The following HBM variants were observed in gnomAD, a reference collection of about 807,000 sequenced individuals.
HBM encodes the protein hemoglobin subunit mu.
Under a neutral mutation model 12.8 loss-of-function variants are expected in HBM, and 9 were observed. The observed-to-expected ratio is 0.70, with a 90% confidence interval of 0.42 to 1.23. HBM has a LOEUF of 1.23. HBM is among the 50% of genes most tolerant of loss of function. The probability of loss-of-function intolerance (pLI) is 0.00; values close to 1 mark genes in which losing one functional copy is unlikely to be tolerated. For missense variants in HBM, 214 were observed against 195.4 expected (o/e 1.10, Z -0.57); for synonymous variants, 100 against 92.0 (o/e 1.09, Z -0.50).
rs1454633790 is a variant in HBM at position 166,568 on chromosome 16, C to T, written c.298-12C>T. 5.6e-6 allele frequency: 9 copies of T among 1,611,750 alleles called. No homozygotes were observed. The highest frequency in any genetic ancestry group is 1.3e-5 in the African/African-American group (1 of 74,936). ...GGGGCAGACCCCGTCTCACCGGCCC[C>T]TTCTCCTGCAGCTGCTAATCCAGTG... On this transcript the variant is annotated splice_polypyrimidine_tract_variant and intron_variant, in intron 2 of 2. Transcript: ENST00000356815.
rs773592456 is a variant in HBM at position 166,562 on chromosome 16, C to T, written c.298-18C>T. 4.2e-5 allele frequency: 67 copies of T among 1,610,464 alleles called. No individual in the cohort carries two copies. The highest frequency in any genetic ancestry group is 5.2e-5 in the Non-Finnish European group (61 of 1,178,580). On this transcript the variant is annotated intron_variant, in intron 2 of 2. Coordinates refer to ENST00000356815, the MANE Select transcript of HBM (RefSeq NM_001003938.4). ...CCTAGCGGGGCAGACCCCGTCTCAC[C>T]GGCCCCTTCTCCTGCAGCTGCTAAT...
chr16:166,455 G>A lies in HBM; in HGVS notation c.280G>A (p.Asp94Asn), dbSNP rs1169110378. 3 of 1,549,110 alleles carry A rather than the reference G, an allele frequency of 1.9e-6. No homozygotes were observed. The highest frequency in any genetic ancestry group is 1.9e-5 in the Admixed American group (1 of 51,738). Residue 94 changes from aspartate (D) to asparagine (N), a missense_variant, in exon 2 of 3, where the codon GAC (aspartate) becomes AAC (asparagine). Transcript: ENST00000356815. ...ADLHALVLRV[D>N]PANFPLLIQC... ...CCTGCACGCGCTCGTGCTGCGCGTG[G>A]ACCCAGCCAACTTTCCGGTGAGGCC...
chr16:166,233 C>A (rs751658843), intron 1 of HBM, 35 bp from the exon 2 acceptor site: 7 of 1,549,892 alleles, frequency 4.5e-6, no homozygotes. Flanking sequence ...CCCACGCAGC[C>A]GCCCTCCTCC....
In HBM at chr16:166,704, G is replaced by T; in HGVS notation, c.422G>T (p.Arg141Leu). ...GCCGTGGTGCTGACCGAAAAATACC[G>T]CTGAGCCCTGTGCTGCGCAGGCCTT... is the stretch of plus-strand genomic sequence containing the variant. ...GVAVVLTEKYR is the reference protein window; with the variant it reads ...GVAVVLTEKYL Residue 141 changes from arginine (R) to leucine (L), a missense_variant, in exon 3 of 3, where the codon CGC becomes CTC. By Grantham distance (102) the Arg-to-Leu change is moderately radical. Coordinates refer to ENST00000356815, the MANE Select transcript of HBM (RefSeq NM_001003938.4). 6.2e-7 allele frequency: 1 copy of T among 1,614,008 alleles called. No homozygotes were observed.
In HBM at chr16:166,659, A is replaced by T; in HGVS notation, c.377A>T (p.Asp126Val). The T allele has an allele frequency of 1.2e-6, 2 of 1,614,112 alleles. No individual in the cohort carries two copies. Among genetic ancestry groups the T allele is most frequent in the South Asian group, 2.2e-5 (2 of 91,078 alleles). Residue 126 changes from aspartate (D) to valine (V), a missense_variant, in exon 3 of 3, where the codon GAC (aspartate) becomes GTC (valine). Physicochemically the swap from Asp to Val is radical, Grantham distance 152. Coordinates refer to ENST00000356815, the MANE Select transcript of HBM (RefSeq NM_001003938.4). The part of the protein sequence containing the change: ...EFTVQMQAAW[D>V]KFLTGVAVVL... Reference sequence around the variant, plus strand: ...ACCGTGCAAATGCAAGCGGCGTGGGACAAGTTCCTGACTGGTGTGGCCGTG... The same window carrying T: ...ACCGTGCAAATGCAAGCGGCGTGGGTCAAGTTCCTGACTGGTGTGGCCGTG...
chr16:166,202 C>A lies in HBM; in HGVS notation c.93-66C>A, dbSNP rs902282267. On this transcript the variant is annotated intron_variant, in intron 1 of 2. Transcript: ENST00000356815. ...CGGGTGCGGATCCCCGGGCTCTGGGCGGTGTGGGCGCTAGTGAAGCCCCAC... is the reference window on the plus strand; with the variant it reads ...CGGGTGCGGATCCCCGGGCTCTGGGAGGTGTGGGCGCTAGTGAAGCCCCAC... The A allele has an allele frequency of 3.3e-5, 48 of 1,475,420 alleles. No individual in the cohort carries two copies. In the Admixed American group the frequency reaches 5.2e-4, roughly 16 times the overall value. The allele number at this position is 1,475,420 out of a possible 1,614,324, so 91.4% of individuals were successfully genotyped here.
Position 166,334 on chromosome 16 carries a change from G to T in HBM, c.159G>T (p.Thr53=), listed in dbSNP as rs1206606492. The change falls in exon 2 of 3, where the codon ACG becomes ACT. Residue 53 remains threonine, a synonymous_variant. Transcript: ENST00000356815. ...FPHLSACQDA[T]QLLSHGQRML... is the part of the protein sequence containing the mutation. ...ACCTGAGCGCCTGCCAGGACGCGAC[G>T]CAGCTGCTGAGCCACGGGCAGCGCA... 2 of 1,594,944 alleles carry T rather than the reference G, an allele frequency of 1.3e-6. No individual in the cohort carries two copies. Among genetic ancestry groups the T allele is most frequent in the Non-Finnish European group, 1.7e-6 (2 of 1,178,518 alleles).
rs1348980474 is a variant in HBM at position 166,315 on chromosome 16, G to A, written c.140G>A (p.Ser47Asn). The A allele has an allele frequency of 3.8e-6, 6 of 1,595,292 alleles. No homozygotes were observed. The highest frequency in any genetic ancestry group is 5.1e-6 in the Non-Finnish European group (6 of 1,178,688). Residue 47 changes from serine (S) to asparagine (N), a missense_variant, in exon 2 of 3, where the codon AGC (serine) becomes AAC (asparagine). Coordinates refer to ENST00000356815, the MANE Select transcript of HBM (RefSeq NM_001003938.4). ...PSTKVYFPHL[S>N]ACQDATQLLS... ...ACCAAGGTCTACTTCCCGCACCTGA[G>A]CGCCTGCCAGGACGCGACGCAGCTG...
In HBM at chr16:166,003, C is replaced by A. The variant is rs1901902772; in HGVS notation, c.6C>A (p.Leu2=). 6.3e-7 allele frequency: 1 copy of A among 1,584,064 alleles called. No homozygotes were observed. The change falls in exon 1 of 3, where the codon CTC becomes CTA. Residue 2 remains leucine (L), a synonymous_variant. Transcript: ENST00000356815. M[L]SAQERAQIAQ... ...AGAGCACGTCAGGCGGCGCCATGCTCAGCGCCCAGGAGCGCGCCCAAATCG... is the reference window on the plus strand; with the variant it reads ...AGAGCACGTCAGGCGGCGCCATGCTAAGCGCCCAGGAGCGCGCCCAAATCG...
Position 166,036 on chromosome 16 carries a change from C to A in HBM, c.39C>A (p.Val13=), listed in dbSNP as rs1398943812. 1.9e-6 allele frequency: 3 copies of A among 1,600,456 alleles called. No individual in the cohort carries two copies. Among genetic ancestry groups the A allele is most frequent in the Non-Finnish European group, 2.6e-6 (3 of 1,176,152 alleles). ...AGGAGCGCGCCCAAATCGCGCAGGT[C>A]TGGGACCTGATTGCGGGCCACGAGG... ...SAQERAQIAQ[V]WDLIAGHEAQ... Residue 13 remains valine (V), a synonymous_variant, in exon 1 of 3, where the codon GTC becomes GTA. Transcript: ENST00000356815.
intron 2 of HBM, 27 bp from the exon 3 acceptor site, chr16:166,553 C>G: frequency 6.2e-7 from 1 of 1,608,852 alleles, no homozygotes; most frequent in Non-Finnish European, 8.5e-7. Context: ...GGGGCAGACC[C>G]CGTCTCACCG....
chr16:166,663 G>C lies in HBM; in HGVS notation c.381G>C (p.Lys127Asn). ...TGCAAATGCAAGCGGCGTGGGACAA[G>C]TTCCTGACTGGTGTGGCCGTGGTGC... ...FTVQMQAAWDKFLTGVAVVLT... is the reference protein window; with the variant it reads ...FTVQMQAAWDNFLTGVAVVLT... Residue 127 changes from lysine (K) to asparagine (N), a missense_variant, in exon 3 of 3, where the codon AAG becomes AAC. Coordinates refer to ENST00000356815, the MANE Select transcript of HBM (RefSeq NM_001003938.4). 2 of 1,614,178 alleles carry C rather than the reference G, an allele frequency of 1.2e-6. No individual in the cohort carries two copies. Among genetic ancestry groups the C allele is most frequent in the African/African-American group, 1.3e-5 (1 of 75,068 alleles).
At position 166,561 on chromosome 16, in the gene HBM, C is replaced by G. The variant is rs1901917081; in HGVS notation, c.298-19C>G. The G allele has an allele frequency of 6.2e-7, 1 of 1,610,486 alleles. No individual in the cohort carries two copies. Among genetic ancestry groups the G allele is most frequent in the Middle Eastern group, 1.7e-4 (1 of 6,036 alleles). ...CCCTAGCGGGGCAGACCCCGTCTCA[C>G]CGGCCCCTTCTCCTGCAGCTGCTAA... On this transcript the variant is annotated intron_variant, in intron 2 of 2. Coordinates refer to ENST00000356815, the MANE Select transcript of HBM (RefSeq NM_001003938.4).
rs1441057872 is a variant in HBM at position 166,446 on chromosome 16, C to G, written c.271C>G (p.Leu91Val). The G allele has an allele frequency of 1.3e-6, 2 of 1,548,336 alleles. No individual in the cohort carries two copies. The highest frequency in any genetic ancestry group is 1.7e-6 in the Non-Finnish European group (2 of 1,152,860). Residue 91 changes from leucine (L) to valine (V), a missense_variant, in exon 2 of 3, where the codon CTG becomes GTG. Physicochemically the swap from Leu to Val is conservative, Grantham distance 32. Coordinates refer to ENST00000356815, the MANE Select transcript of HBM (RefSeq NM_001003938.4). ...GCTGGCGGACCTGCACGCGCTCGTG[C>G]TGCGCGTGGACCCAGCCAACTTTCC... is the stretch of plus-strand genomic sequence containing the variant. ...SPLADLHALV[L>V]RVDPANFPLL...
At chr16:166,532 G>T (rs558533181) in intron 2 of HBM, 48 bp from the exon 3 acceptor site, 74 of 1,595,748 alleles carry the variant, frequency 4.6e-5, no homozygotes, top group East Asian at 2.7e-4. Flanking sequence ...GGGGCTCTGG[G>T]GGTCCCTAGC....
At chr16:166,519 G>T (rs765565200) in intron 2 of HBM, 47 bp downstream of exon 2, 50 of 1,579,368 alleles carry the variant, frequency 3.2e-5, no homozygotes, top group South Asian at 1.0e-4. Flanking sequence ...CAGCCGGGGT[G>T]GGGGGGCTCT....
At chr16:166,151 G>C in intron 1 of HBM, 62 bp downstream of exon 1, 1 of 1,483,836 alleles carries the variant, frequency 6.7e-7, no homozygotes, top group South Asian at 1.2e-5. Context: ...TGGGCGCGTG[G>C]GCCGCCAACG....
At position 166,588 on chromosome 16, in the gene HBM, C is replaced by G; in HGVS notation, c.306C>G (p.Ile102Met). The change falls in exon 3 of 3, where the codon ATC (isoleucine) becomes ATG (methionine). Residue 102 changes from isoleucine to methionine, a missense_variant. Physicochemically the swap from Ile to Met is conservative, Grantham distance 10. Transcript: ENST00000356815. Reference sequence around the variant, plus strand: ...GGCCCCTTCTCCTGCAGCTGCTAATCCAGTGTTTCCACGTCGTGCTGGCCT... The same window carrying G: ...GGCCCCTTCTCCTGCAGCTGCTAATGCAGTGTTTCCACGTCGTGCTGGCCT... ...RVDPANFPLLIQCFHVVLASH... is the reference protein window; with the variant it reads ...RVDPANFPLLMQCFHVVLASH... 3 of 1,613,560 alleles carry G rather than the reference C, an allele frequency of 1.9e-6. No individual in the cohort carries two copies. Among genetic ancestry groups the G allele is most frequent in the Non-Finnish European group, 2.5e-6 (3 of 1,179,834 alleles).
In HBM at chr16:166,448, G is replaced by A. The variant is rs770832988; in HGVS notation, c.273G>A (p.Leu91=). The A allele has an allele frequency of 1.9e-6, 3 of 1,548,796 alleles. No individual in the cohort carries two copies. The highest frequency in any genetic ancestry group is 2.6e-6 in the Non-Finnish European group (3 of 1,153,058). ...SPLADLHALV[L]RVDPANFPLL... is the part of the protein sequence containing the mutation. ...TGGCGGACCTGCACGCGCTCGTGCT[G>A]CGCGTGGACCCAGCCAACTTTCCGG... The change falls in exon 2 of 3, where the codon CTG becomes CTA. Residue 91 remains leucine, a synonymous_variant. Transcript: ENST00000356815.
Sources: gnomAD v4.1 joint callset for allele counts on GRCh38, gnomAD v4.1.1 for gene constraint, MANE v1.5 for transcripts, NCBI Gene and HGNC (gene_info 2026-07-23, HGNC 2026-07-21) for gene names.